Variants in SASH1 observed in about 807,000 individuals in gnomAD.
SASH1 encodes SAM and SH3 domain containing 1, also known as SAM and SH3 domain-containing protein 1.
A neutral mutation model predicts 125.2 loss-of-function variants in SASH1; 44 were observed. That is an observed-to-expected ratio of 0.35 (90% CI 0.28 to 0.45). The LOEUF is 0.45. Ranked by LOEUF, SASH1 falls within the 20% of genes least tolerant of loss-of-function variation. The pLI is 1.00. For missense variants in SASH1, 1,426 were observed against 1,614.5 expected (o/e 0.88, Z 2.00); for synonymous variants, 639 against 649.1 (o/e 0.98, Z 0.24).
chr6:148,362,775 G>C (rs932450311), intron 1 of SASH1, among the ~76,000 whole-genome samples: 7 of 152,054 alleles, frequency 4.6e-5, no homozygotes, highest in African/African-American at 1.7e-4. Context: ...CTTAGCCCAG[G>C]AGGTTGAGGC....
chr6:148,264,978 A>T, the SASH1 span, among the ~76,000 whole-genome samples: 1 of 152,208 alleles, frequency 6.6e-6, no homozygotes, highest in Non-Finnish European at 1.5e-5. Context: ...CGTGCTCACT[A>T]TTTGCTGAAT....
In SASH1 at chr6:148,294,391, A is replaced by G. The variant is rs573731855; in HGVS notation, n.74+22014A>G. On this transcript the variant is annotated intron_variant and non_coding_transcript_variant, in intron 1 of 3. Coordinates refer to the SASH1 transcript ENST00000367469. ...GGACCCTTTCCTTACGAGCTCTGAG[A>G]CTCTGGACAAATGACTGAACCTCTC... Among the ~76,000 whole-genome samples the G allele has an allele frequency of 2.0e-5, 3 of 152,216 alleles. No homozygotes were observed. In the South Asian group the frequency reaches 6.2e-4, roughly 32 times the overall value.
chr6:148,414,623 G>T (rs1360961152), intron 2 of SASH1, among the ~76,000 whole-genome samples: 1 of 152,134 alleles, frequency 6.6e-6, no homozygotes, highest in African/African-American at 2.4e-5. Flanking sequence ...AGCAGTGAGG[G>T]AAGTGGGTAG....
intron 16 of SASH1, among the ~76,000 whole-genome samples, chr6:148,537,776 CTGTGTGTGTGTGTGTGTGTGTGTGTGTG>C (rs55644027): frequency 4.8e-4 from 60 of 125,690 alleles, no homozygotes; most frequent in African/African-American, 1.3e-3. Context: ...TTAGCATATT[CTGTGTGTGTGTGTGTGTGTGTGTGTGTG>C]TGTGTGTGTG....
chr6:148,221,817 C>T, the SASH1 span, among the ~76,000 whole-genome samples: 23 of 152,204 alleles, frequency 1.5e-4, no homozygotes, highest in African/African-American at 4.3e-4. Context: ...AGTTCAAGTC[C>T]ATTAAAACAC....
rs186784918 is a variant in SASH1 at position 148,368,339 on chromosome 6, C to T, written c.157-21795C>T. 5.9e-5 allele frequency among the ~76,000 whole-genome samples: 9 copies of T among 152,250 alleles called. No individual in the cohort carries two copies. In the East Asian group the frequency reaches 9.7e-4, roughly 16 times the overall value. ...AGGTTGGAATGCAGTGGCACGATCT[C>T]GACTCACTGTAACCTCTGCCTCCCA... On this transcript the variant is annotated intron_variant, in intron 1 of 19. Transcript: ENST00000367467.
At position 148,549,758 on chromosome 6, in the gene SASH1, G is replaced by GTGTT. The variant is rs1782785349; in HGVS notation, c.*1201_*1204dup. The GTGTT allele has an allele frequency of 2.6e-6, 1 of 391,454 alleles. No individual in the cohort carries two copies. The highest frequency in any genetic ancestry group is 4.5e-5 in the Admixed American group (1 of 22,440). 24.2% of individuals were successfully genotyped at this position (391,454 alleles called of 1,614,324 possible). A position where few individuals can be genotyped will look rare whatever the true frequency, so the allele number is the denominator to read the frequency against. On this transcript the variant is annotated 3_prime_UTR_variant, in exon 20 of 20. Transcript: ENST00000367467. Reference sequence around the variant, plus strand: ...GAACCAGACAAATCTCATTAGCCATGTGTTAAGTATTTGCTACTTTAAATT... The same window carrying GTGTT: ...GAACCAGACAAATCTCATTAGCCATGTGTTTGTTAAGTATTTGCTACTTTAAATT...
the SASH1 span, among the ~76,000 whole-genome samples, chr6:148,250,572 TAAAA>T: frequency 7.1e-6 from 1 of 141,414 alleles, no homozygotes; most frequent in Non-Finnish European, 1.5e-5. Context: ...GCCTTAGTCT[TAAAA>T]AAAAAAAAAA....
In SASH1 at chr6:148,533,679, C is replaced by T; in HGVS notation, c.1735-92C>T. On this transcript the variant is annotated intron_variant, in intron 14 of 19. Coordinates refer to ENST00000367467, the MANE Select transcript of SASH1 (RefSeq NM_015278.5). This position sits in a 1 kb window ranked among gnomAD's most constrained non-coding sequence, Gnocchi z 6.2. ...CCGATTCTGGCCTTTGTGGCATCTT[C>T]ACTTCTGCATGACCTGTGTATCTGA... 1.6e-6 allele frequency: 2 copies of T among 1,230,376 alleles called. No individual in the cohort carries two copies. Among genetic ancestry groups the T allele is most frequent in the Non-Finnish European group, 2.3e-6 (2 of 865,364 alleles). 76.2% of individuals were successfully genotyped at this position (1,230,376 alleles called of 1,614,324 possible).
chr6:148,272,715 C>T (rs1026085525), intron 1 of SASH1, among the ~76,000 whole-genome samples: 6 of 152,284 alleles, frequency 3.9e-5, no homozygotes, highest in African/African-American at 1.2e-4. Flanking sequence ...CAGAGCTTTT[C>T]CAGCCTCTAC....
chr6:148,462,954 G>C (rs1218875864), intron 4 of SASH1, among the ~76,000 whole-genome samples: 1 of 152,026 alleles, frequency 6.6e-6, no homozygotes, highest in Non-Finnish European at 1.5e-5. Flanking sequence ...TCTGTGATGG[G>C]GGGTAATGAG....
At chr6:148,293,925 C>T (rs1166910134) in intron 1 of SASH1, among the ~76,000 whole-genome samples, 1 of 152,212 alleles carries the variant, frequency 6.6e-6, no homozygotes, top group African/African-American at 2.4e-5. Context: ...ATTAACATTT[C>T]TCAAGGGAGC....
At chr6:148,436,151 TGA>T (rs1435226638) in intron 2 of SASH1, among the ~76,000 whole-genome samples, 2 of 152,138 alleles carry the variant, frequency 1.3e-5, no homozygotes, top group African/African-American at 2.4e-5. Flanking sequence ...CTCCCCCAGC[TGA>T]GAGAGGTGGC....
rs558775563 is a variant in SASH1, at chr6:148,400,890, G to A, written c.285+10628G>A. Among the ~76,000 whole-genome samples the A allele has an allele frequency of 6.6e-5, 10 of 152,204 alleles. No homozygotes were observed. The South Asian group carries it at 1.7e-3, about 25-fold the overall frequency. On this transcript the variant is annotated intron_variant, in intron 2 of 19. Coordinates refer to ENST00000367467, the MANE Select transcript of SASH1 (RefSeq NM_015278.5). ...TGCATTTGGGATTGTCTTTTCTTTC[G>A]GTTTGGAAGTTTTAAGAATTTTAAG...
At chr6:148,531,961 T>A (rs1781545635) in intron 13 of SASH1, among the ~76,000 whole-genome samples, 1 of 152,096 alleles carries the variant, frequency 6.6e-6, no homozygotes, top group Admixed American at 6.5e-5. Context: ...CACATGAAGA[T>A]GACCAGCAAA....
chr6:148,271,938 G>A (rs1429599567), upstream of SASH1, among the ~76,000 whole-genome samples: 1 of 152,106 alleles, frequency 6.6e-6, no homozygotes, highest in African/African-American at 2.4e-5. Context: ...GTAGGGGGCG[G>A]GAGAAAGGGG....
In SASH1 at chr6:148,525,361, C is replaced by T. The variant is rs1781081766; in HGVS notation, c.1280C>T (p.Pro427Leu). Residue 427 changes from proline to leucine, a missense_variant, in exon 11 of 20, where the codon CCA (proline) becomes CTA (leucine). Transcript: ENST00000367467. ...CACGTTGGCAGTAATAATTCTGACC[C>T]AATGGTGAGTAACATCAGAGGAAAG... ...SLHVGSNNSD[P>L]MGKEGDFVYK... The T allele has an allele frequency of 1.2e-6, 2 of 1,612,706 alleles. No homozygotes were observed. The highest frequency in any genetic ancestry group is 2.7e-5 in the African/African-American group (2 of 74,986).
chr6:148,361,902 C>CTTTTT (rs1444513135), intron 1 of SASH1, among the ~76,000 whole-genome samples: 153 of 137,700 alleles, frequency 1.1e-3, no homozygotes, highest in African/African-American at 4.0e-3. Flanking sequence ...TTTCTTTTTT[C>CTTTTT]TTTTTCTTTT....
At chr6:148,486,490 T>TTAA (rs1381677765) in intron 7 of SASH1, among the ~76,000 whole-genome samples, 1 of 152,148 alleles carries the variant, frequency 6.6e-6, no homozygotes, top group African/African-American at 2.4e-5. Context: ...ACCTAAACTT[T>TTAA]TAATATCTCT....
Sources: gnomAD v4.1 joint callset for allele counts (sites outside exome capture counted in the v4.1 genomes callset) on GRCh38, gnomAD v4.1.1 for gene constraint, Gnocchi (gnomAD v3.1) non-coding constraint, MANE v1.5 for transcripts, NCBI Gene and HGNC (gene_info 2026-07-23, HGNC 2026-07-21) for gene names.